The following NT5C3A variants were observed in gnomAD, a reference collection of about 807,000 sequenced individuals.
NT5C3A encodes cytosolic 5'-nucleotidase 3A.
In NT5C3A, 23 loss-of-function variants were observed where a neutral mutation model predicts 40.0. The observed-to-expected ratio is 0.58, with a 90% confidence interval of 0.41 to 0.81. The LOEUF is 0.81. NT5C3A is among the 40% of genes least tolerant of loss of function. The pLI is 0.00. For missense variants in NT5C3A, 328 were observed against 403.0 expected (o/e 0.81, Z 1.59); for synonymous variants, 130 against 141.4 (o/e 0.92, Z 0.57).
At chr7:33,047,082 A>T (rs1465548593) in intron 1 of NT5C3A, among the ~76,000 whole-genome samples, 1 of 148,886 alleles carries the variant, frequency 6.7e-6, no homozygotes, top group African/African-American at 2.5e-5. Flanking sequence ...TTTTTATTTT[A>T]TTATAGCTGA....
At chr7:33,053,995 G>T (rs183851456) in intron 1 of NT5C3A, among the ~76,000 whole-genome samples, 5 of 152,210 alleles carry the variant, frequency 3.3e-5, no homozygotes, top group Admixed American at 3.3e-4. Context: ...TACATGCCTG[G>T]TACAAACATT....
intron 1 of NT5C3A, among the ~76,000 whole-genome samples, chr7:33,030,477 A>C (rs929370378): frequency 4.6e-5 from 7 of 152,222 alleles, no homozygotes; most frequent in Non-Finnish European, 1.0e-4. Context: ...ATTATGATAA[A>C]ATTTTATGAA....
chr7:33,048,346 G>C (rs1469089264), intron 1 of NT5C3A, among the ~76,000 whole-genome samples: 1 of 151,634 alleles, frequency 6.6e-6, no homozygotes, highest in Admixed American at 6.6e-5. Flanking sequence ...TGCCCGGCCT[G>C]GTAAATAGTT....
chr7:33,061,292 A>G (rs76443901), intron 1 of NT5C3A, among the ~76,000 whole-genome samples: 4,883 of 152,370 alleles, frequency 0.032, 102 homozygotes, highest in Non-Finnish European at 0.047. Flanking sequence ...GATGTGGGAC[A>G]AATGAATTTT....
Position 33,017,197 on chromosome 7 carries a change from AAAAG to A in NT5C3A, c.693+238_693+241del, listed in dbSNP as rs1357741294. ...GACTCCATCTCAAAAAAAAAAAAAAAAAAGAAGAAGTTTTACTACTTTTATTATT... is the reference window on the plus strand; with the variant it reads ...GACTCCATCTCAAAAAAAAAAAAAAAAAGAAGTTTTACTACTTTTATTATT... On this transcript the variant is annotated intron_variant, in intron 7 of 8. Coordinates refer to ENST00000610140, the MANE Select transcript of NT5C3A (RefSeq NM_001002010.5). The A allele has an allele frequency of 3.8e-4, 190 of 494,080 alleles. 1 individual carries two copies. Among genetic ancestry groups the A allele is most frequent in the Admixed American group, 1.5e-3 (39 of 26,488 alleles). 30.6% of individuals were successfully genotyped at this position (494,080 alleles called of 1,614,324 possible).
chr7:33,033,372 A>T (rs931013925), intron 1 of NT5C3A, among the ~76,000 whole-genome samples: 3 of 152,238 alleles, frequency 2.0e-5, no homozygotes, highest in Non-Finnish European at 4.4e-5. Flanking sequence ...TTTTAGTAAT[A>T]GCGATTTCCC....
chr7:33,050,344 G>C (rs1164956150), intron 1 of NT5C3A, among the ~76,000 whole-genome samples: 1 of 152,140 alleles, frequency 6.6e-6, no homozygotes, highest in Non-Finnish European at 1.5e-5. Context: ...GCCGACTATA[G>C]TAAGTTTCTA....
intron 1 of NT5C3A, chr7:33,035,940 C>G: frequency 6.2e-7 from 1 of 1,612,986 alleles, no homozygotes. Context: ...CCACCATTTT[C>G]ACATGTACGG....
chr7:33,040,384 T>C (rs1786854394), intron 1 of NT5C3A, among the ~76,000 whole-genome samples: 1 of 152,328 alleles, frequency 6.6e-6, no homozygotes, highest in South Asian at 2.1e-4. Flanking sequence ...TCATAAAACA[T>C]ACCAGTGATA....
intron 1 of NT5C3A, among the ~76,000 whole-genome samples, chr7:33,041,554 G>A (rs1442602648): frequency 6.6e-6 from 1 of 151,982 alleles, no homozygotes; most frequent in East Asian, 1.9e-4. Context: ...TGCAAATGTG[G>A]TCAAAAAACT....
intron 8 of NT5C3A, among the ~76,000 whole-genome samples, 184 bp downstream of exon 8, chr7:33,015,486 C>T (rs776424113): frequency 5.9e-5 from 9 of 151,884 alleles, no homozygotes; most frequent in Admixed American, 5.9e-4. Flanking sequence ...TTGCTTGAGC[C>T]GGGAAGGTCG....
chr7:33,022,352 A>C (rs1006568863), intron 3 of NT5C3A, among the ~76,000 whole-genome samples: 1 of 152,230 alleles, frequency 6.6e-6, no homozygotes, highest in Non-Finnish European at 1.5e-5. Flanking sequence ...TACATCACTG[A>C]GATAGACAAT....
intron 1 of NT5C3A, among the ~76,000 whole-genome samples, chr7:33,052,485 CAAAAAAAA>C (rs60149792): frequency 2.7e-5 from 2 of 74,216 alleles, no homozygotes; most frequent in African/African-American, 5.6e-5. Context: ...GACTCGGTCT[CAAAAAAAA>C]AAAAAAAAAA....
intron 1 of NT5C3A, among the ~76,000 whole-genome samples, chr7:33,056,721 A>G (rs1787587262): frequency 6.6e-6 from 1 of 152,048 alleles, no homozygotes; most frequent in South Asian, 2.1e-4. Flanking sequence ...AGTTGTTTAA[A>G]ACTTGGGTTG....
chr7:33,024,104 A>G lies in NT5C3A; in HGVS notation c.242T>C (p.Ile81Thr), dbSNP rs1233218317. 1.9e-6 allele frequency: 3 copies of G among 1,562,988 alleles called. No homozygotes were observed. Among genetic ancestry groups the G allele is most frequent in the South Asian group, 1.1e-5 (1 of 89,554 alleles). ...ACTGAGTGTCATATCAAAGTCCGTT[A>G]TTATCTGTAAGAAAAGAGTGAAATG... ...IKGGAAKLQI[I>T]TDFDMTLSRF... Residue 81 changes from isoleucine (I) to threonine (T), a missense_variant, in exon 3 of 9, where the codon ATA (isoleucine) becomes ACA (threonine). Around this residue, in one of 3 missense-constraint regions of NT5C3A, gnomAD observed 280 missense variants for 317.2 expected, o/e 0.88. Coordinates refer to ENST00000610140, the MANE Select transcript of NT5C3A (RefSeq NM_001002010.5).
At chr7:33,052,485 C>CAAAAA (rs60149792) in intron 1 of NT5C3A, among the ~76,000 whole-genome samples, 28 of 74,238 alleles carry the variant, frequency 3.8e-4, no homozygotes, top group African/African-American at 1.4e-3. Context: ...GACTCGGTCT[C>CAAAAA]AAAAAAAAAA....
intron 1 of NT5C3A, among the ~76,000 whole-genome samples, chr7:33,035,439 C>T (rs1022510162): frequency 7.2e-5 from 11 of 151,944 alleles, no homozygotes; most frequent in Admixed American, 1.3e-4. Flanking sequence ...GTGATCCGCC[C>T]GCCTCGGCCT....
intron 1 of NT5C3A, chr7:33,036,253 G>A (rs538067303): frequency 1.1e-4 from 51 of 449,596 alleles, no homozygotes; most frequent in African/African-American, 1.0e-3. Flanking sequence ...GCATACTGAT[G>A]GAAACACCGG....
rs199733662 is a variant in NT5C3A at position 33,021,331 on chromosome 7, G to A, written c.381C>T (p.Tyr127=). The A allele has an allele frequency of 5.6e-5, 90 of 1,611,356 alleles. No individual in the cohort carries two copies. The highest frequency in any genetic ancestry group is 4.2e-4 in the Admixed American group (25 of 59,880). Residue 127 remains tyrosine (Y), a synonymous_variant, in exon 5 of 9, where the codon TAC becomes TAT. Transcript: ENST00000610140. The part of the protein sequence containing the change: ...KKLLQLKEKY[Y]AIEVDPVLTV... ...TAAGAACAGGATCAACTTCAATAGC[G>A]TAATATTTTTCCTTTAGTTGCAATA...
Sources: allele counts gnomAD v4.1 joint callset (sites outside exome capture counted in the v4.1 genomes callset), GRCh38; gene constraint gnomAD v4.1.1; regional missense constraint gnomAD v4.1.1; transcripts MANE v1.5; gene names NCBI Gene and HGNC (gene_info 2026-07-23, HGNC 2026-07-21).